Variants in JMJD1C observed in about 807,000 individuals in gnomAD.
The protein encoded by JMJD1C is jumonji domain-containing protein 1C.
Under a neutral mutation model 245.3 loss-of-function variants are expected in JMJD1C, and 31 were observed. The observed-to-expected ratio is 0.13, with a 90% CI of 0.09 to 0.17. JMJD1C has a LOEUF of 0.17. Ranked by LOEUF, JMJD1C falls within the 10% of genes least tolerant of loss-of-function variation. The pLI is 1.00. For synonymous variants in JMJD1C, 1,057 were observed against 1,017.4 expected (o/e 1.04, Z -0.74); for missense variants, 2,691 against 3,000.2 (o/e 0.90, Z 2.41).
chr10:63,436,536 T>C (rs1447463097), intron 1 of JMJD1C, among the ~76,000 whole-genome samples: 1 of 152,182 alleles, frequency 6.6e-6, no homozygotes, highest in East Asian at 1.9e-4. Flanking sequence ...CAACCAGTCA[T>C]CCACCACACT....
intron 22 of JMJD1C, among the ~76,000 whole-genome samples, chr10:63,178,510 C>T (rs1843077170): frequency 6.6e-6 from 1 of 151,988 alleles, no homozygotes; most frequent in East Asian, 1.9e-4. Context: ...ATTAGTTGGC[C>T]CCTATACTTA....
At chr10:63,390,281 A>C (rs1340351882) in intron 1 of JMJD1C, among the ~76,000 whole-genome samples, 1 of 152,198 alleles carries the variant, frequency 6.6e-6, no homozygotes, top group East Asian at 1.9e-4. Context: ...AAAACCTTGA[A>C]GAAATGGATA....
rs555528858 is a variant in JMJD1C, at chr10:63,215,429, A to G, written c.849T>C (p.Asn283=). Residue 283 remains asparagine (N), a synonymous_variant, in exon 7 of 26, where the codon AAT becomes AAC. Transcript: ENST00000399262. ...VHSHYTRAQA[N]SPRPAMNSQA... ...GGGAGTTCATTGCTGGTCTGGGACT[A>G]TTTGCTTGGGCACGTGTATAATGGC... 6.8e-6 allele frequency: 11 copies of G among 1,614,072 alleles called. No homozygotes were observed. In the East Asian group the frequency reaches 1.8e-4, roughly 26 times the overall value.
intron 22 of JMJD1C, among the ~76,000 whole-genome samples, chr10:63,178,866 A>G: frequency 6.6e-6 from 1 of 152,376 alleles, no homozygotes; most frequent in Middle Eastern, 3.4e-3. Context: ...TAAAAGGACC[A>G]GTGAACATTT....
At chr10:63,379,206 G>T (rs1469128275) in intron 2 of JMJD1C, among the ~76,000 whole-genome samples, 1 of 152,006 alleles carries the variant, frequency 6.6e-6, no homozygotes, top group Non-Finnish European at 1.5e-5. Context: ...TAGTTAATTT[G>T]CAGGCTTAAA....
At chr10:63,436,473 TAAA>T (rs1430789166) in intron 1 of JMJD1C, among the ~76,000 whole-genome samples, 3 of 152,148 alleles carry the variant, frequency 2.0e-5, no homozygotes, top group African/African-American at 7.2e-5. Context: ...CTCTCATCTC[TAAA>T]AATCAGTACC....
At chr10:63,262,615 T>TTGAA (rs1854926613) in intron 3 of JMJD1C, among the ~76,000 whole-genome samples, 1 of 152,148 alleles carries the variant, frequency 6.6e-6, no homozygotes, top group Admixed American at 6.6e-5. Flanking sequence ...GGAATTCACA[T>TTGAA]TTTTCAGAAA....
intron 2 of JMJD1C, among the ~76,000 whole-genome samples, chr10:63,375,651 T>G (rs563431716): frequency 2.6e-5 from 4 of 152,120 alleles, no homozygotes; most frequent in Admixed American, 2.0e-4. Flanking sequence ...CCTGGGCTTA[T>G]GCAATCCTTC....
At chr10:63,198,286 T>C (rs543689787) in intron 12 of JMJD1C, among the ~76,000 whole-genome samples, 7 of 152,330 alleles carry the variant, frequency 4.6e-5, no homozygotes, top group African/African-American at 1.2e-4. Flanking sequence ...AATGTTGTAA[T>C]GGCAGAAACA....
At chr10:63,231,331 AAAGC>A (rs1288844150) in intron 3 of JMJD1C, among the ~76,000 whole-genome samples, 2 of 152,258 alleles carry the variant, frequency 1.3e-5, no homozygotes, top group Non-Finnish European at 2.9e-5. Context: ...AGCTTTTTAC[AAAGC>A]AAGCTTTAGA....
chr10:63,169,707 T>C (rs901596751), intron 24 of JMJD1C, among the ~76,000 whole-genome samples: 1 of 152,292 alleles, frequency 6.6e-6, no homozygotes, highest in East Asian at 1.9e-4. Flanking sequence ...ACATTCTCTT[T>C]CTTTAATCAT....
intron 1 of JMJD1C, among the ~76,000 whole-genome samples, chr10:63,484,379 G>A (rs1953927240): frequency 6.6e-6 from 1 of 152,142 alleles, no homozygotes; most frequent in African/African-American, 2.4e-5. Flanking sequence ...TATTTTTTGA[G>A]ATCATACTGC....
intron 2 of JMJD1C, among the ~76,000 whole-genome samples, chr10:63,317,536 T>TAC (rs542075558): frequency 1.2e-3 from 179 of 151,458 alleles, no homozygotes; most frequent in Middle Eastern, 3.4e-3. Context: ...CTAAGCCTAC[T>TAC]ACACACACAC....
At chr10:63,408,428 T>G (rs181291306) in intron 1 of JMJD1C, among the ~76,000 whole-genome samples, 1 of 150,442 alleles carries the variant, frequency 6.6e-6, no homozygotes, top group Admixed American at 6.6e-5. Flanking sequence ...TAAAAATCAA[T>G]GTACATCTAG....
At chr10:63,394,351 TTCAACAAATGA>T (rs1948313214) in intron 1 of JMJD1C, among the ~76,000 whole-genome samples, 1 of 152,146 alleles carries the variant, frequency 6.6e-6, no homozygotes, top group African/African-American at 2.4e-5. Context: ...GGATAGTCTC[TTCAACAAATGA>T]TACTTCGATA....
chr10:63,313,911 G>T (rs1210565400), intron 2 of JMJD1C, among the ~76,000 whole-genome samples: 4 of 152,114 alleles, frequency 2.6e-5, no homozygotes, highest in African/African-American at 9.7e-5. Flanking sequence ...GTTACTTTTG[G>T]CATGCAGAAG....
chr10:63,432,898 T>C (rs1950846733), intron 1 of JMJD1C, among the ~76,000 whole-genome samples: 1 of 152,218 alleles, frequency 6.6e-6, no homozygotes, highest in Non-Finnish European at 1.5e-5. Context: ...TCTTAATCTT[T>C]CATGACAATT....
At chr10:63,224,259 T>C (rs1848982340) in intron 3 of JMJD1C, among the ~76,000 whole-genome samples, 1 of 152,226 alleles carries the variant, frequency 6.6e-6, no homozygotes, top group Admixed American at 6.5e-5. Flanking sequence ...GCAGAGTTAC[T>C]AATATTTCCC....
intron 1 of JMJD1C, among the ~76,000 whole-genome samples, chr10:63,384,114 T>G (rs1310216100): frequency 1.3e-5 from 2 of 152,168 alleles, no homozygotes; most frequent in African/African-American, 4.8e-5. Context: ...TAAGAAACAA[T>G]GCCTCATCCA....
Sources: allele counts gnomAD v4.1 joint callset (sites outside exome capture counted in the v4.1 genomes callset), GRCh38; gene constraint gnomAD v4.1.1; transcripts MANE v1.5; gene names NCBI Gene and HGNC (gene_info 2026-07-23, HGNC 2026-07-21).